Variants in HERC2 observed in about 807,000 individuals in gnomAD.
The protein encoded by HERC2 is E3 ubiquitin-protein ligase HERC2.
HERC2 carries 102 observed loss-of-function variants against 537.7 expected under a neutral mutation model. That is an observed-to-expected ratio of 0.19 (90% CI 0.16 to 0.22). The LOEUF (loss-of-function observed/expected upper bound fraction) is 0.22. HERC2 is among the 10% of genes least tolerant of loss of function. HERC2 has a pLI of 1.00. For missense variants in HERC2, 4,236 were observed against 6,198.2 expected (o/e 0.68, Z 10.63); for synonymous variants, 2,224 against 2,466.2 (o/e 0.90, Z 2.91).
chr15:28,169,709 T>C (rs1033421687), intron 65 of HERC2, 54 bp from the exon 66 acceptor site: 150 of 1,546,500 alleles, frequency 9.7e-5, no homozygotes, highest in Non-Finnish European at 1.3e-4. Context: ...TTTGATCTAT[T>C]TCTATAAAAT....
At chr15:28,117,671 AC>A (rs1888427647) in intron 86 of HERC2, 1 of 400,310 alleles carries the variant, frequency 2.5e-6, no homozygotes, top group African/African-American at 2.1e-5. Context: ...CTCAGCCAGG[AC>A]CAGCCCTTCC....
At chr15:28,252,768 T>C (rs1042271068) in intron 20 of HERC2, among the ~76,000 whole-genome samples, 56 of 152,254 alleles carry the variant, frequency 3.7e-4, no homozygotes, top group African/African-American at 1.2e-3. Flanking sequence ...AAAACAAACA[T>C]CAGAAAAAGG....
At chr15:28,142,428 T>C in intron 75 of HERC2, 35 bp from the exon 76 acceptor site, 1 of 1,601,030 alleles carries the variant, frequency 6.2e-7, no homozygotes, top group Non-Finnish European at 8.5e-7. Context: ...TCAGGGAAAC[T>C]CAGAAATGCA....
intron 55 of HERC2, among the ~76,000 whole-genome samples, chr15:28,187,722 A>T (rs1896448506): frequency 6.6e-6 from 1 of 152,212 alleles, no homozygotes; most frequent in Non-Finnish European, 1.5e-5. Flanking sequence ...TGCTACAGTG[A>T]TCAAACTTTT....
intron 70 of HERC2, among the ~76,000 whole-genome samples, chr15:28,150,552 G>A (rs1596062687): frequency 2.4e-5 from 3 of 126,664 alleles, no homozygotes. Flanking sequence ...TGAAATCACC[G>A]AAAAAAACAC....
intron 5 of HERC2, among the ~76,000 whole-genome samples, chr15:28,277,843 G>A (rs1200324501): frequency 6.6e-6 from 1 of 152,084 alleles, no homozygotes; most frequent in African/African-American, 2.4e-5. Context: ...GGTATCTGTA[G>A]GGGATTGGTA....
At chr15:28,187,557 T>C (rs925758444) in intron 55 of HERC2, among the ~76,000 whole-genome samples, 4 of 152,184 alleles carry the variant, frequency 2.6e-5, no homozygotes, top group Admixed American at 1.3e-4. Flanking sequence ...GGTCTTGAAC[T>C]TCTGACCTCA....
At chr15:28,318,562 G>C (rs1343332628) in intron 2 of HERC2, among the ~76,000 whole-genome samples, 4 of 151,814 alleles carry the variant, frequency 2.6e-5, no homozygotes, top group Non-Finnish European at 5.9e-5. Flanking sequence ...CAGGAGGCTT[G>C]CAGTGAGCCA....
At chr15:28,231,226 T>C (rs1319859656) in intron 30 of HERC2, among the ~76,000 whole-genome samples, 2 of 152,176 alleles carry the variant, frequency 1.3e-5, no homozygotes, top group African/African-American at 2.4e-5. Context: ...AGAGCTAACA[T>C]AGCAGGCCGG....
At position 28,269,388 on chromosome 15, in the gene HERC2, A is replaced by G; in HGVS notation, c.1306T>C (p.Tyr436His). 3 of 1,614,226 alleles carry G rather than the reference A, an allele frequency of 1.9e-6. No individual in the cohort carries two copies. The highest frequency in any genetic ancestry group is 2.2e-5 in the East Asian group (1 of 44,882). The change falls in exon 11 of 93, where the codon TAT (tyrosine) becomes CAT (histidine). Residue 436 changes from tyrosine to histidine, a missense_variant. Tyr to His is a moderately conservative substitution (Grantham distance 83). Transcript: ENST00000261609. ...IGWGLIGWKYYANVIGPIQCE... is the reference protein window; with the variant it reads ...IGWGLIGWKYHANVIGPIQCE... ...TGGATTGGACCAATCACATTGGCAT[A>G]GTATTTCCATCCTATTAACCCCCAA...
intron 5 of HERC2, among the ~76,000 whole-genome samples, chr15:28,279,123 C>T (rs1007612652): frequency 6.6e-6 from 1 of 152,160 alleles, no homozygotes; most frequent in African/African-American, 2.4e-5. Context: ...TCCCAAGTAG[C>T]TGGGATTACA....
intron 5 of HERC2, among the ~76,000 whole-genome samples, chr15:28,278,384 A>G (rs745442949): frequency 6.6e-6 from 1 of 152,138 alleles, no homozygotes; most frequent in Non-Finnish European, 1.5e-5. Context: ...CAAAACAAAC[A>G]AACAAAAAAA....
At chr15:28,254,757 A>C (rs8036159) in intron 19 of HERC2, among the ~76,000 whole-genome samples, 34,014 of 152,194 alleles carry the variant, frequency 0.22, 7,573 homozygotes, top group African/African-American at 0.56. Context: ...GCTCTCCAGC[A>C]TCCTTCTGTG....
At chr15:28,305,972 T>C (rs1322608546) in intron 2 of HERC2, among the ~76,000 whole-genome samples, 1 of 152,100 alleles carries the variant, frequency 6.6e-6, no homozygotes, top group Non-Finnish European at 1.5e-5. Context: ...TCAAAACCAC[T>C]ATGAGATACC....
intron 6 of HERC2, 114 bp from the exon 7 acceptor site, chr15:28,274,561 C>T: frequency 2.5e-6 from 3 of 1,176,772 alleles, no homozygotes; most frequent in Non-Finnish European, 3.5e-6. Context: ...CCTCACTCAA[C>T]AGGCCAAAAT....
In HERC2 at chr15:28,167,711, T is replaced by C. The variant is rs147681848; in HGVS notation, c.10530A>G (p.Ala3510=). 541 of 1,614,204 alleles carry C rather than the reference T, an allele frequency of 3.4e-4. 1 individual carries two copies. The African/African-American group carries it at 6.3e-3, about 19-fold the overall frequency. ...CCTCTTTGGTTTTGGTCATGGTTTCTGCAATGATGCTTGCGGCTCCCAGGT... is the reference window on the plus strand; with the variant it reads ...CCTCTTTGGTTTTGGTCATGGTTTCCGCAATGATGCTTGCGGCTCCCAGGT... ...TDDLGAASII[A]ETMTKTKEDV... is the part of the protein sequence containing the mutation. Residue 3510 remains alanine, a synonymous_variant, in exon 68 of 93, where the codon GCA becomes GCG. Coordinates refer to ENST00000261609, the MANE Select transcript of HERC2 (RefSeq NM_004667.6).
At chr15:28,287,656 C>CT (rs2076193177) in intron 4 of HERC2, among the ~76,000 whole-genome samples, 1 of 151,386 alleles carries the variant, frequency 6.6e-6, no homozygotes, top group African/African-American at 2.4e-5. Flanking sequence ...CAGCAACTCT[C>CT]TAAGTACTTT....
chr15:28,263,807 G>A (rs918243738), intron 14 of HERC2, among the ~76,000 whole-genome samples: 1 of 151,958 alleles, frequency 6.6e-6, no homozygotes, highest in Admixed American at 6.6e-5. Flanking sequence ...CAAGGCGGGC[G>A]GATCACTTGA....
At chr15:28,132,426 T>A (rs1890203699) in intron 80 of HERC2, among the ~76,000 whole-genome samples, 165 bp from the exon 81 acceptor site, 1 of 152,240 alleles carries the variant, frequency 6.6e-6, no homozygotes, top group African/African-American at 2.4e-5. Flanking sequence ...AGCACCTTCA[T>A]CTATTTGAAC....
Sources: gnomAD v4.1 joint callset for allele counts (sites outside exome capture counted in the v4.1 genomes callset) on GRCh38, gnomAD v4.1.1 for gene constraint, MANE v1.5 for transcripts, NCBI Gene and HGNC (gene_info 2026-07-23, HGNC 2026-07-21) for gene names.